The following FRMD3 variants were observed in gnomAD, a reference collection of about 807,000 sequenced individuals.
FRMD3 encodes FERM domain containing 3.
FRMD3 carries 33 observed loss-of-function variants against 70.2 expected under a neutral mutation model. The observed-to-expected ratio is 0.47, with a 90% CI of 0.36 to 0.63. FRMD3 has a LOEUF of 0.63. Among genes scored for constraint, FRMD3 ranks in the 20% least tolerant of loss-of-function variants. FRMD3 has a pLI of 0.00. For synonymous variants in FRMD3, 279 were observed against 255.9 expected (o/e 1.09, Z -0.86); for missense variants, 632 against 711.4 (o/e 0.89, Z 1.27).
At chr9:83,273,191 A>AG (rs1186450804) in intron 13 of FRMD3, among the ~76,000 whole-genome samples, 3 of 152,250 alleles carry the variant, frequency 2.0e-5, no homozygotes, top group African/African-American at 7.2e-5. Context: ...CGAATAGAAA[A>AG]GGGGGAAATG....
chr9:83,317,670 C>T (rs2131076379), intron 6 of FRMD3, among the ~76,000 whole-genome samples: 1 of 152,270 alleles, frequency 6.6e-6, no homozygotes, highest in East Asian at 1.9e-4. Flanking sequence ...ATAATTTTTC[C>T]TTGCCTAGGT....
At chr9:83,457,003 G>A (rs781250185) in intron 1 of FRMD3, among the ~76,000 whole-genome samples, 4 of 151,826 alleles carry the variant, frequency 2.6e-5, no homozygotes, top group Non-Finnish European at 4.4e-5. Context: ...TAAAAACAAC[G>A]CAAACTAAGA....
chr9:83,297,614 G>A (rs531484521), intron 12 of FRMD3: 19 of 389,662 alleles, frequency 4.9e-5, no homozygotes, highest in Non-Finnish European at 9.3e-5. Context: ...GGAAGAGGAG[G>A]GAACCATAAA....
At chr9:83,465,727 C>T (rs1256987924) in intron 1 of FRMD3, among the ~76,000 whole-genome samples, 5 of 152,050 alleles carry the variant, frequency 3.3e-5, no homozygotes, top group East Asian at 1.9e-4. Context: ...CAGCTACGTC[C>T]GCTGCACTGA....
chr9:83,534,815 A>T (rs1587537110), intron 1 of FRMD3, among the ~76,000 whole-genome samples: 1 of 152,326 alleles, frequency 6.6e-6, no homozygotes, highest in East Asian at 1.9e-4. Context: ...CAGCTCTGAG[A>T]TGCCAGCCTC....
intron 1 of FRMD3, among the ~76,000 whole-genome samples, chr9:83,481,060 A>G (rs1408751198): frequency 6.6e-6 from 1 of 152,240 alleles, no homozygotes; most frequent in Non-Finnish European, 1.5e-5. Context: ...ATTAAATAGA[A>G]AGAAAAGCAA....
At chr9:83,534,735 T>C (rs1233874275) in intron 1 of FRMD3, among the ~76,000 whole-genome samples, 1 of 152,236 alleles carries the variant, frequency 6.6e-6, no homozygotes. Context: ...ATAGTTTCTT[T>C]AAAGGCAAAT....
intron 1 of FRMD3, among the ~76,000 whole-genome samples, chr9:83,399,714 A>G (rs1230918400): frequency 6.6e-6 from 1 of 152,236 alleles, no homozygotes; most frequent in East Asian, 1.9e-4. Context: ...GGACTGCTAT[A>G]TTTGGTTATT....
chr9:83,396,243 A>G (rs1051860458), intron 1 of FRMD3, among the ~76,000 whole-genome samples: 3 of 152,232 alleles, frequency 2.0e-5, no homozygotes, highest in Non-Finnish European at 4.4e-5. Flanking sequence ...CAAGTTCTCC[A>G]ATTACTAGAA....
chr9:83,436,669 C>A (rs1827143126), intron 1 of FRMD3, among the ~76,000 whole-genome samples: 1 of 151,804 alleles, frequency 6.6e-6, no homozygotes, highest in Admixed American at 6.6e-5. Flanking sequence ...TGTCCTGGAC[C>A]TAGACAAAAA....
At chr9:83,278,739 G>A (rs1052836017) in intron 13 of FRMD3, among the ~76,000 whole-genome samples, 2 of 152,194 alleles carry the variant, frequency 1.3e-5, no homozygotes, top group Non-Finnish European at 2.9e-5. Context: ...GCCCGGTCTA[G>A]CCCCAGAGAC....
In FRMD3 at chr9:83,479,383, GA is replaced by G. The variant is rs1828478026; in HGVS notation, c.147+58701del. Among the ~76,000 whole-genome samples the G allele has an allele frequency of 2.5e-4, 33 of 132,832 alleles. No individual in the cohort carries two copies. In the South Asian group the frequency reaches 9.3e-3, roughly 37 times the overall value. The allele number at this position is 132,832 out of a possible 152,430, so 87.1% of individuals were successfully genotyped here. ...GGAGGAAGAAGAAGAGGAGGAGGAGGAGAAAAAGGAAGAAAGGAGGGAGGGA... is the reference window on the plus strand; with the variant it reads ...GGAGGAAGAAGAAGAGGAGGAGGAGGGAAAAAGGAAGAAAGGAGGGAGGGA... On this transcript the variant is annotated intron_variant, in intron 1 of 13. Transcript: ENST00000304195.
intron 1 of FRMD3, among the ~76,000 whole-genome samples, chr9:83,527,306 T>C (rs1239201804): frequency 6.6e-6 from 1 of 152,196 alleles, no homozygotes; most frequent in South Asian, 2.1e-4. Flanking sequence ...TCTCTCGATT[T>C]GGTTGGAACA....
At chr9:83,478,144 A>G (rs11787686) in intron 1 of FRMD3, among the ~76,000 whole-genome samples, 65,511 of 152,018 alleles carry the variant, frequency 0.43, 14,265 homozygotes, top group Middle Eastern at 0.46. Context: ...AATTTAGAAC[A>G]GTCAGTTTCT....
intron 3 of FRMD3, 143 bp downstream of exon 3, chr9:83,372,770 G>A: frequency 4.1e-6 from 3 of 726,846 alleles, no homozygotes; most frequent in Non-Finnish European, 4.9e-6. Context: ...AAAATACAGA[G>A]CTCTCCTGGG....
chr9:83,244,555 C>T (rs1005943792), downstream of FRMD3: 3 of 440,718 alleles, frequency 6.8e-6, no homozygotes, highest in African/African-American at 6.4e-5. Flanking sequence ...AGAGGGAATC[C>T]TTTTATAGTT....
intron 4 of FRMD3, among the ~76,000 whole-genome samples, chr9:83,344,824 A>AGTGTGTGTGTGTGTGT (rs35538787): frequency 7.1e-4 from 102 of 144,076 alleles, no homozygotes; most frequent in African/African-American, 2.0e-3. Context: ...TGCATGTGTG[A>AGTGTGTGTGTGTGTGT]GTGTGTGTGT....
chr9:83,464,627 T>C (rs1564090318), intron 1 of FRMD3, among the ~76,000 whole-genome samples: 1 of 152,178 alleles, frequency 6.6e-6, no homozygotes, highest in South Asian at 2.1e-4. Flanking sequence ...TTTAATGACC[T>C]ACAACTCTTT....
chr9:83,448,748 G>C (rs2131409887), intron 1 of FRMD3, among the ~76,000 whole-genome samples: 1 of 152,314 alleles, frequency 6.6e-6, no homozygotes, highest in Admixed American at 6.5e-5. Flanking sequence ...ATTTAAGCTA[G>C]CCAAACCTTC....
Sources: allele counts gnomAD v4.1 joint callset (sites outside exome capture counted in the v4.1 genomes callset), GRCh38; gene constraint gnomAD v4.1.1; transcripts MANE v1.5; gene names NCBI Gene and HGNC (gene_info 2026-07-23, HGNC 2026-07-21).